DCC: variants seen among roughly 807,000 people sequenced by gnomAD.
DCC encodes DCC netrin 1 receptor.
Under a neutral mutation model 172.5 loss-of-function variants are expected in DCC, and 58 were observed. That is an observed-to-expected ratio of 0.34 (90% confidence interval 0.27 to 0.42). The LOEUF (loss-of-function observed/expected upper bound fraction) is 0.42, where lower values mean the gene tolerates loss of function less well. Ranked by LOEUF, DCC falls within the 10% of genes least tolerant of loss-of-function variation. The probability of loss-of-function intolerance (pLI) is 1.00; values close to 1 mark genes in which losing one functional copy is unlikely to be tolerated. For synonymous variants in DCC, 709 were observed against 644.5 expected (o/e 1.10, Z -1.52); for missense variants, 1,740 against 1,791.0 (o/e 0.97, Z 0.51).
chr18:52,654,092 A>G (rs566392273), intron 1 of DCC, among the ~76,000 whole-genome samples: 1 of 152,356 alleles, frequency 6.6e-6, no homozygotes, highest in Non-Finnish European at 1.5e-5. Flanking sequence ...AAACCTTAAA[A>G]GTAGTACCAG....
intron 8 of DCC, among the ~76,000 whole-genome samples, chr18:53,168,436 A>AC (rs1443911507): frequency 2.0e-5 from 3 of 151,972 alleles, no homozygotes; most frequent in African/African-American, 7.3e-5. Flanking sequence ...GAAGCTGGAA[A>AC]CCATCATTCT....
intron 26 of DCC, among the ~76,000 whole-genome samples, chr18:53,498,730 CAG>C (rs1298839066): frequency 2.0e-5 from 3 of 152,168 alleles, no homozygotes; most frequent in Admixed American, 2.0e-4. Flanking sequence ...CTTGTTCTGG[CAG>C]AGTCATCTCT....
chr18:53,407,943 A>C (rs1335929725), intron 19 of DCC, among the ~76,000 whole-genome samples: 1 of 152,184 alleles, frequency 6.6e-6, no homozygotes, highest in Middle Eastern at 3.2e-3. Context: ...TAGAACTCCA[A>C]GTTTAATATT....
intron 2 of DCC, among the ~76,000 whole-genome samples, chr18:52,870,593 T>C (rs537209156): frequency 6.6e-6 from 1 of 152,292 alleles, no homozygotes; most frequent in East Asian, 1.9e-4. Flanking sequence ...ATCACTGTTG[T>C]AGAATCTAAG....
intron 1 of DCC, among the ~76,000 whole-genome samples, chr18:52,606,492 A>T (rs2034133292): frequency 2.6e-5 from 4 of 152,154 alleles, no homozygotes; most frequent in Admixed American, 2.6e-4. Context: ...CATTATTCTA[A>T]TTACTTGACA....
intron 27 of DCC, among the ~76,000 whole-genome samples, chr18:53,503,245 C>T (rs760331012): frequency 1.3e-5 from 2 of 152,140 alleles, no homozygotes; most frequent in Non-Finnish European, 2.9e-5. Flanking sequence ...ATTAGAAAGC[C>T]ATTCTGTTGT....
intron 7 of DCC, among the ~76,000 whole-genome samples, chr18:53,123,842 C>T (rs1242405166): frequency 6.6e-6 from 1 of 152,074 alleles, no homozygotes; most frequent in Non-Finnish European, 1.5e-5. Flanking sequence ...CTATACCCGT[C>T]TCATCTTCCA....
intron 2 of DCC, among the ~76,000 whole-genome samples, chr18:52,846,687 T>C (rs1474907163): frequency 1.3e-4 from 19 of 143,948 alleles, no homozygotes; most frequent in Non-Finnish European, 2.3e-4. Flanking sequence ...CTCGCAGAGA[T>C]TGGGAGCTTT....
chr18:52,516,965 A>G (rs1057097817), intron 1 of DCC, among the ~76,000 whole-genome samples: 1 of 152,190 alleles, frequency 6.6e-6, no homozygotes, highest in African/African-American at 2.4e-5. Context: ...GATTTTTAAC[A>G]TAAGGTAATC....
At chr18:53,400,759 A>T (rs1909249146) in intron 18 of DCC, among the ~76,000 whole-genome samples, 1 of 152,174 alleles carries the variant, frequency 6.6e-6, no homozygotes, top group Non-Finnish European at 1.5e-5. Flanking sequence ...GATTTTTTTA[A>T]ATTAAATAAC....
At chr18:53,355,505 T>G (rs1462344280) in intron 15 of DCC, among the ~76,000 whole-genome samples, 4 of 152,130 alleles carry the variant, frequency 2.6e-5, no homozygotes, top group African/African-American at 9.7e-5. Context: ...TTGTAAGTTG[T>G]ATTCCTAGGT....
intron 1 of DCC, among the ~76,000 whole-genome samples, chr18:52,522,189 T>C (rs1265698749): frequency 2.0e-5 from 3 of 152,204 alleles, no homozygotes; most frequent in African/African-American, 7.2e-5. Flanking sequence ...TACAGATACA[T>C]CCATGGCAGT....
At chr18:53,382,341 T>C (rs1315892214) in intron 15 of DCC, among the ~76,000 whole-genome samples, 1 of 152,110 alleles carries the variant, frequency 6.6e-6, no homozygotes. Flanking sequence ...AAAGAATATA[T>C]TTCCCAGTGG....
At chr18:52,642,022 A>G (rs199960673) in intron 1 of DCC, among the ~76,000 whole-genome samples, 17,107 of 39,264 alleles carry the variant, frequency 0.44, 1,415 homozygotes, top group South Asian at 0.55. Flanking sequence ...GTGTATATAT[A>G]TATATATATA....
chr18:52,902,308 G>A (rs143855621), intron 2 of DCC, among the ~76,000 whole-genome samples: 297 of 152,322 alleles, frequency 1.9e-3, no homozygotes, highest in South Asian at 5.4e-3. Context: ...AAAACCTTTA[G>A]TGATGTAGGA....
At chr18:52,556,727 TC>T (rs1252722991) in intron 1 of DCC, among the ~76,000 whole-genome samples, 4 of 151,742 alleles carry the variant, frequency 2.6e-5, no homozygotes, top group Admixed American at 6.6e-5. Flanking sequence ...CAACACTCCT[TC>T]CCCCCACCTC....
Position 53,063,370 on chromosome 18 carries a change from G to C in DCC, c.1051G>C (p.Glu351Gln). 6.2e-7 allele frequency: 1 copy of C among 1,612,816 alleles called. No individual in the cohort carries two copies. Among genetic ancestry groups the C allele is most frequent in the Non-Finnish European group, 8.5e-7 (1 of 1,179,126 alleles). Residue 351 changes from glutamate (E) to glutamine (Q), a missense_variant, in exon 6 of 29, where the codon GAA becomes CAA. Physicochemically the swap from Glu to Gln is conservative, Grantham distance 29. Around this residue, in one of 2 missense-constraint regions of DCC, gnomAD observed 1,732 missense variants for 1,767.4 expected, o/e 0.98. Coordinates refer to ENST00000442544, the MANE Select transcript of DCC (RefSeq NM_005215.4). Reference protein sequence around the residue: ...YAYESMDIEFECTVSGKPVPT... With the variant: ...YAYESMDIEFQCTVSGKPVPT... ...CTATGAAAGCATGGATATTGAGTTT[G>C]AATGTACAGTCTCTGGAAAGCCTGT...
chr18:53,399,363 G>C (rs992573022), intron 18 of DCC, among the ~76,000 whole-genome samples: 1 of 152,084 alleles, frequency 6.6e-6, no homozygotes, highest in Non-Finnish European at 1.5e-5. Context: ...AGGAGAAGAT[G>C]GGATAAGACC....
intron 12 of DCC, among the ~76,000 whole-genome samples, chr18:53,304,531 C>G (rs1368812300): frequency 6.6e-6 from 1 of 152,148 alleles, no homozygotes; most frequent in Non-Finnish European, 1.5e-5. Context: ...CATCCCTGTT[C>G]TCTCCTGTGT....
Sources: allele counts gnomAD v4.1 joint callset (sites outside exome capture counted in the v4.1 genomes callset), GRCh38; gene constraint gnomAD v4.1.1; regional missense constraint gnomAD v4.1.1; transcripts MANE v1.5; gene names NCBI Gene and HGNC (gene_info 2026-07-23, HGNC 2026-07-21).